The following ZNF487 variants were observed in gnomAD, a reference collection of about 807,000 sequenced individuals.
ZNF487 encodes zinc finger protein 487, also known as KRAB domain only 1.
A neutral mutation model predicts 3.0 loss-of-function variants in ZNF487; 4 were observed. The ratio of observed to expected loss-of-function variants is 1.35; its 90% CI spans 0.66 to 3.08. ZNF487 has a LOEUF of 3.08. Ranked by LOEUF, ZNF487 falls within the 30% of genes most tolerant of loss-of-function variation. The pLI is 0.01. For synonymous variants in ZNF487, 55 were observed against 34.6 expected, an observed-to-expected ratio of 1.59 and a Z score of -2.06; for missense variants, 146 against 98.7, an observed-to-expected ratio of 1.48 and a Z score of -2.03.
chr10:43,439,727 TA>T (rs964043385), intron 1 of ZNF487, among the ~76,000 whole-genome samples: 1 of 151,734 alleles, frequency 6.6e-6, no homozygotes, highest in Admixed American at 6.6e-5. Context: ...TAAGTGAAAA[TA>T]AAAAAGAAAA....
chr10:43,459,840 C>T (rs1234182169), intron 1 of ZNF487, among the ~76,000 whole-genome samples: 1 of 150,312 alleles, frequency 6.7e-6, no homozygotes, highest in East Asian at 1.9e-4. Context: ...CTCGCTCTGT[C>T]GTCCAGGCTG....
At chr10:43,464,402 C>T (rs1443721181) in intron 1 of ZNF487, among the ~76,000 whole-genome samples, 1 of 151,396 alleles carries the variant, frequency 6.6e-6, no homozygotes, top group Non-Finnish European at 1.5e-5. Context: ...ATTGATCATT[C>T]TTGGGTGTTT....
At chr10:43,483,476 G>A (rs1026179901), downstream of ZNF487, among the ~76,000 whole-genome samples, 2 of 151,200 alleles carry the variant, frequency 1.3e-5, no homozygotes, top group African/African-American at 4.9e-5. Flanking sequence ...CCGACCTCAG[G>A]TGTCCACCCG....
At chr10:43,512,528 GTC>G in the ZNF487 span, among the ~76,000 whole-genome samples, 1 of 152,162 alleles carries the variant, frequency 6.6e-6, no homozygotes, top group Non-Finnish European at 1.5e-5. Context: ...GCCAAGAACT[GTC>G]TCTCATAAGG....
chr10:43,465,053 C>CG (rs1840624528), intron 1 of ZNF487, among the ~76,000 whole-genome samples: 1 of 147,284 alleles, frequency 6.8e-6, no homozygotes, highest in South Asian at 2.1e-4. Context: ...GGGGCTGACC[C>CG]CCCCCACCTC....
the ZNF487 span, among the ~76,000 whole-genome samples, chr10:43,506,239 C>A: frequency 2.6e-5 from 4 of 152,232 alleles, no homozygotes; most frequent in Non-Finnish European, 4.4e-5. Flanking sequence ...CCAGGCCCGG[C>A]TCTGTGGCTC....
upstream of ZNF487, chr10:43,436,880 A>T: frequency 2.1e-6 from 1 of 468,822 alleles, no homozygotes; most frequent in Non-Finnish European, 4.4e-6. Context: ...GGTCCCAGCG[A>T]CCTTCGCTTT....
At position 43,482,491 on chromosome 10, in the gene ZNF487, C is replaced by T. The variant is rs1455790420; in HGVS notation, c.*569C>T. The T allele has an allele frequency of 2.1e-6, 1 of 473,482 alleles. No homozygotes were observed. The highest frequency in any genetic ancestry group is 4.3e-6 in the Non-Finnish European group (1 of 231,620). 29.3% of individuals were successfully genotyped at this position (473,482 alleles called of 1,614,324 possible). On this transcript the variant is annotated 3_prime_UTR_variant, in exon 4 of 4. Coordinates refer to ENST00000437590, the MANE Select transcript of ZNF487 (RefSeq NM_001355444.3). ...ATCAAAGAACACACACGGGACAAAA[C>T]CTATGAATGTAATGAATGTGGAAAA...
At chr10:43,510,622 A>G in the ZNF487 span, among the ~76,000 whole-genome samples, 1 of 152,072 alleles carries the variant, frequency 6.6e-6, no homozygotes, top group East Asian at 1.9e-4. Context: ...ATCTTGGTTC[A>G]CTGCAACCTC....
At chr10:43,512,939 C>T in the ZNF487 span, among the ~76,000 whole-genome samples, 3 of 152,188 alleles carry the variant, frequency 2.0e-5, no homozygotes, top group Non-Finnish European at 2.9e-5. Context: ...TCTCAACAGG[C>T]CCCACACCAC....
At chr10:43,484,916 A>G (rs1389035704), downstream of ZNF487, among the ~76,000 whole-genome samples, 1 of 152,226 alleles carries the variant, frequency 6.6e-6, no homozygotes, top group Non-Finnish European at 1.5e-5. Flanking sequence ...TTAGCGACAT[A>G]AATTGTTAAT....
chr10:43,456,571 C>G (rs1400378334), intron 1 of ZNF487, among the ~76,000 whole-genome samples: 1 of 152,128 alleles, frequency 6.6e-6, no homozygotes, highest in Non-Finnish European at 1.5e-5. Context: ...ATTACTACCT[C>G]TAAGAAAATT....
the ZNF487 span, among the ~76,000 whole-genome samples, chr10:43,499,404 G>A: frequency 2.0e-5 from 3 of 151,798 alleles, no homozygotes; most frequent in Non-Finnish European, 4.4e-5. Context: ...GATTTTGAGG[G>A]TTTTTTTTGT....
At chr10:43,513,062 C>T in the ZNF487 span, among the ~76,000 whole-genome samples, 1 of 152,252 alleles carries the variant, frequency 6.6e-6, no homozygotes, top group Non-Finnish European at 1.5e-5. Context: ...TTTGCTACTT[C>T]TTGCTCACTG....
At chr10:43,487,929 C>CAAAAAAAAAAAA (rs76705594), downstream of ZNF487, among the ~76,000 whole-genome samples, 32 of 40,446 alleles carry the variant, frequency 7.9e-4, no homozygotes, top group South Asian at 2.1e-3. Flanking sequence ...TACCAAAATA[C>CAAAAAAAAAAAA]AAAAAAAAAA....
chr10:43,509,907 TAC>T, the ZNF487 span, among the ~76,000 whole-genome samples: 1 of 152,148 alleles, frequency 6.6e-6, no homozygotes, highest in Admixed American at 6.6e-5. Flanking sequence ...CTTGAACCCA[TAC>T]ACATCTCCTG....
chr10:43,439,424 C>T (rs940023860), intron 1 of ZNF487, among the ~76,000 whole-genome samples: 2 of 151,726 alleles, frequency 1.3e-5, no homozygotes, highest in East Asian at 1.9e-4. Flanking sequence ...ATAAGATGGC[C>T]GGGTGCGGTG....
At chr10:43,516,085 C>A in the ZNF487 span, among the ~76,000 whole-genome samples, 31,624 of 152,000 alleles carry the variant, frequency 0.21, 5,527 homozygotes, top group African/African-American at 0.47. Flanking sequence ...CAGCCTAGTT[C>A]ATCATTTTCT....
intron 1 of ZNF487, among the ~76,000 whole-genome samples, chr10:43,451,138 G>C (rs1326038343): frequency 6.6e-6 from 1 of 151,770 alleles, no homozygotes; most frequent in African/African-American, 2.4e-5. Context: ...TAGAGACGGG[G>C]TTTTTCCATG....
Sources: gnomAD v4.1 joint callset for allele counts (sites outside exome capture counted in the v4.1 genomes callset) on GRCh38, gnomAD v4.1.1 for gene constraint, MANE v1.5 for transcripts, NCBI Gene and HGNC (gene_info 2026-07-23, HGNC 2026-07-21) for gene names.